Variants in GTF3C3 observed in about 807,000 individuals in gnomAD.
GTF3C3 encodes general transcription factor 3C polypeptide 3.
GTF3C3 carries 75 observed loss-of-function variants against 105.2 expected under a neutral mutation model. The ratio of observed to expected loss-of-function variants is 0.71; its 90% CI spans 0.59 to 0.86. GTF3C3 has a LOEUF of 0.86. GTF3C3 is among the 40% of genes least tolerant of loss of function. The probability of loss-of-function intolerance (pLI) is 0.00; values close to 1 mark genes in which losing one functional copy is unlikely to be tolerated. For synonymous variants in GTF3C3, 335 were observed against 370.4 expected, an observed-to-expected ratio of 0.90 and a Z score of 1.10; for missense variants, 856 against 1,076.5, an observed-to-expected ratio of 0.80 and a Z score of 2.87.
intron 2 of GTF3C3, among the ~76,000 whole-genome samples, chr2:196,796,307 T>A (rs1010846110): frequency 6.6e-6 from 1 of 152,210 alleles, no homozygotes; most frequent in African/African-American, 2.4e-5. Context: ...TGAGCCTGAA[T>A]TGGACTCAGC....
At chr2:196,771,108 T>G (rs763087211) in intron 15 of GTF3C3, among the ~76,000 whole-genome samples, 5 of 152,196 alleles carry the variant, frequency 3.3e-5, no homozygotes, top group African/African-American at 7.2e-5. Context: ...CTTGTTTGCT[T>G]CTTCTTTAAT....
chr2:196,781,342 G>GAAAAAAAAAAAAAAAAAAA (rs769914255), intron 8 of GTF3C3, among the ~76,000 whole-genome samples: 4 of 31,450 alleles, frequency 1.3e-4, no homozygotes, highest in African/African-American at 1.2e-4. Flanking sequence ...ATGTTAAGGG[G>GAAAAAAAAAAAAAAAAAAA]AAAAAAAAAA....
intron 8 of GTF3C3, among the ~76,000 whole-genome samples, chr2:196,783,348 A>G (rs1699400634): frequency 6.6e-6 from 1 of 152,174 alleles, no homozygotes; most frequent in African/African-American, 2.4e-5. Flanking sequence ...TAAAACTTGA[A>G]CAGAACTTGG....
chr2:196,781,982 A>G (rs1303370133), intron 8 of GTF3C3, among the ~76,000 whole-genome samples: 3 of 152,188 alleles, frequency 2.0e-5, no homozygotes, highest in East Asian at 3.8e-4. Flanking sequence ...ATCTGATTCT[A>G]TCTTTATCAT....
Position 196,771,637 on chromosome 2 carries a change from GAATA to G in GTF3C3, c.2260+107_2260+110del, listed in dbSNP as rs1388869158. Reference sequence around the variant, plus strand: ...CAAGAAACTGAGGCAGGAGGAGGTAGAATAATTTGTCACAGTGAGGCTGATAATT... The same window carrying G: ...CAAGAAACTGAGGCAGGAGGAGGTAGATTTGTCACAGTGAGGCTGATAATT... On this transcript the variant is annotated intron_variant, in intron 15 of 17. Coordinates refer to ENST00000263956, the MANE Select transcript of GTF3C3 (RefSeq NM_012086.5). The G allele has an allele frequency of 4.5e-6, 3 of 665,146 alleles. No individual in the cohort carries two copies. The African/African-American group carries it at 5.4e-5, about 12-fold the overall frequency. The allele number at this position is 665,146 out of a possible 1,614,324, so 41.2% of individuals were successfully genotyped here.
rs1699182952 is a variant in GTF3C3, at chr2:196,771,931, C to T, written c.2077G>A (p.Val693Ile). Residue 693 changes from valine (V) to isoleucine (I), a missense_variant, in exon 15 of 18, where the codon GTA becomes ATA. By Grantham distance (29) the Val-to-Ile change is conservative. This residue lies in a region of GTF3C3 where 605 missense variants were observed against 833.6 expected (regional missense o/e 0.73). Coordinates refer to ENST00000263956, the MANE Select transcript of GTF3C3 (RefSeq NM_012086.5). ...TGGGGTTTATTGACATTTTCCATTA[C>T]CATTATCCTAAAATTGCAGGAAGAG... ...RKAYNYIRIM[V>I]MENVNKPQLW... 1.9e-6 allele frequency: 3 copies of T among 1,608,760 alleles called. No individual in the cohort carries two copies. The highest frequency in any genetic ancestry group is 1.7e-5 in the Admixed American group (1 of 59,978).
chr2:196,775,960 A>G (rs111892709), intron 12 of GTF3C3, 50 bp downstream of exon 12: 2 of 797,316 alleles, frequency 2.5e-6, no homozygotes, highest in African/African-American at 3.6e-5. Context: ...ATGAAATACT[A>G]AACATTTAAA....
rs1299059171 is a variant in GTF3C3, at chr2:196,778,948, A to T, written c.1338T>A (p.Ala446=). ...GGTTGTATCTTTCAGAGCAAACAAG[A>T]GCACTGAGGAGGGGAAGTGCAGAAT... ...EYNSALPLLS[A]LVCSERYNLA... is the part of the protein sequence containing the mutation. The change falls in exon 10 of 18, where the codon GCT becomes GCA. Residue 446 remains alanine (A), a synonymous_variant. Coordinates refer to ENST00000263956, the MANE Select transcript of GTF3C3 (RefSeq NM_012086.5). 1.9e-6 allele frequency: 3 copies of T among 1,613,988 alleles called. No homozygotes were observed. Among genetic ancestry groups the T allele is most frequent in the Admixed American group, 1.7e-5 (1 of 60,000 alleles).
intron 6 of GTF3C3, among the ~76,000 whole-genome samples, chr2:196,788,408 C>T (rs1258019253): frequency 6.6e-6 from 1 of 152,092 alleles, no homozygotes; most frequent in Non-Finnish European, 1.5e-5. Flanking sequence ...GCGCAGCATA[C>T]CAGAGAAGTA....
chr2:196,789,443 G>A (rs929826466), intron 5 of GTF3C3, 74 bp from the exon 6 acceptor site: 13 of 1,010,854 alleles, frequency 1.3e-5, no homozygotes, highest in Non-Finnish European at 1.7e-5. Context: ...CATCATCTCA[G>A]AAAATTTAAT....
chr2:196,788,196 A>G (rs1010224163), intron 6 of GTF3C3, among the ~76,000 whole-genome samples: 1 of 152,208 alleles, frequency 6.6e-6, no homozygotes, highest in Non-Finnish European at 1.5e-5. Flanking sequence ...TAGTAGTCCT[A>G]TGTAACCCAC....
chr2:196,768,798 A>G (rs1699117156), intron 16 of GTF3C3, among the ~76,000 whole-genome samples: 1 of 152,172 alleles, frequency 6.6e-6, no homozygotes, highest in Non-Finnish European at 1.5e-5. Flanking sequence ...TTTGAAGTAC[A>G]TGAATTTTTG....
At chr2:196,782,292 C>G (rs990338319) in intron 8 of GTF3C3, among the ~76,000 whole-genome samples, 2 of 152,176 alleles carry the variant, frequency 1.3e-5, no homozygotes, top group Non-Finnish European at 2.9e-5. Flanking sequence ...TTCCTAATCT[C>G]CAGAACTGTG....
At chr2:196,799,396 T>A in intron 1 of GTF3C3, 114 bp downstream of exon 1, 1 of 742,230 alleles carries the variant, frequency 1.3e-6, no homozygotes, top group East Asian at 2.5e-5. Flanking sequence ...AGGAAGAAGC[T>A]GCTGAAAGTT....
At position 196,799,121 on chromosome 2, in the gene GTF3C3, G is replaced by A. The variant is rs62185622; in HGVS notation, c.102+389C>T. 4.2e-3 allele frequency: 703 copies of A among 168,508 alleles called. 5 individuals carry two copies. The highest frequency in any genetic ancestry group is 6.9e-3 in the Non-Finnish European group (541 of 78,588). 10.4% of individuals were successfully genotyped at this position (168,508 alleles called of 1,614,324 possible). Reference sequence around the variant, plus strand: ...TTCCAGTTCAGAAAAGGAGACATTGGGGCCTAAAGAAGAGAAGTGAGCTGT... The same window carrying A: ...TTCCAGTTCAGAAAAGGAGACATTGAGGCCTAAAGAAGAGAAGTGAGCTGT... On this transcript the variant is annotated intron_variant, in intron 1 of 17. Transcript: ENST00000263956.
chr2:196,765,810 A>G (rs1699054215), intron 17 of GTF3C3, among the ~76,000 whole-genome samples: 1 of 151,746 alleles, frequency 6.6e-6, no homozygotes, highest in African/African-American at 2.4e-5. Context: ...GGAGATCGAG[A>G]CCATCCTGGT....
intron 9 of GTF3C3, chr2:196,780,352 A>G: frequency 8.4e-7 from 1 of 1,193,750 alleles, no homozygotes; most frequent in Non-Finnish European, 1.1e-6. Flanking sequence ...TGTTATTTTA[A>G]AAGAAAAATA....
In GTF3C3 at chr2:196,766,595, C is replaced by T; in HGVS notation, c.2508G>A (p.Lys836=). The part of the protein sequence containing the change: ...LIHLAIHYYQ[K]ALELPPLVVE... ...CCACAAGTGGAGGGAGCTCCAGGGC[C>T]TTCTGATAATAGTGGATTGCAAGAT... The change falls in exon 17 of 18, where the codon AAG becomes AAA. Residue 836 remains lysine (K), a synonymous_variant. Transcript: ENST00000263956. The T allele has an allele frequency of 6.2e-7, 1 of 1,611,998 alleles. No homozygotes were observed. Among genetic ancestry groups the T allele is most frequent in the Non-Finnish European group, 8.5e-7 (1 of 1,178,536 alleles).
At chr2:196,768,256 T>G (rs1443086610) in intron 16 of GTF3C3, among the ~76,000 whole-genome samples, 1 of 152,122 alleles carries the variant, frequency 6.6e-6, no homozygotes, top group Non-Finnish European at 1.5e-5. Context: ...ACACCTCAAG[T>G]GATCCACCCG....
Sources: gnomAD v4.1 joint callset for allele counts (sites outside exome capture counted in the v4.1 genomes callset) on GRCh38, gnomAD v4.1.1 for gene constraint, gnomAD v4.1.1 regional missense constraint, MANE v1.5 for transcripts, NCBI Gene and HGNC (gene_info 2026-07-23, HGNC 2026-07-21) for gene names.